Variants in CNTNAP4 observed in about 807,000 individuals in gnomAD.
CNTNAP4 encodes contactin-associated protein-like 4.
CNTNAP4 carries 98 observed loss-of-function variants against 148.4 expected under a neutral mutation model. The ratio of observed to expected loss-of-function variants is 0.66; its 90% confidence interval spans 0.56 to 0.78. The LOEUF (loss-of-function observed/expected upper bound fraction) is 0.78. CNTNAP4 is among the 30% of genes least tolerant of loss of function. CNTNAP4 has a pLI of 0.00. For synonymous variants in CNTNAP4, 730 were observed against 565.1 expected, an observed-to-expected ratio of 1.29 and a Z score of -4.14; for missense variants, 1,935 against 1,565.6, an observed-to-expected ratio of 1.24 and a Z score of -3.98.
At chr16:76,381,425 A>T (rs1229121598) in intron 3 of CNTNAP4, among the ~76,000 whole-genome samples, 5 of 152,162 alleles carry the variant, frequency 3.3e-5, no homozygotes, top group African/African-American at 1.2e-4. Flanking sequence ...TAATTCTGAT[A>T]CTGTGCTAGT....
chr16:76,304,719 G>A (rs1960304262), intron 1 of CNTNAP4, among the ~76,000 whole-genome samples: 1 of 152,146 alleles, frequency 6.6e-6, no homozygotes, highest in African/African-American at 2.4e-5. Flanking sequence ...CTTCAAAACT[G>A]CTTTTGACCA....
At chr16:76,330,448 G>A (rs1012970812) in intron 2 of CNTNAP4, among the ~76,000 whole-genome samples, 4 of 152,130 alleles carry the variant, frequency 2.6e-5, no homozygotes, top group African/African-American at 9.7e-5. Flanking sequence ...GCCTTGTTGT[G>A]TGCCTGCTTA....
chr16:76,341,923 A>C (rs1964501027), intron 2 of CNTNAP4, among the ~76,000 whole-genome samples: 1 of 152,200 alleles, frequency 6.6e-6, no homozygotes, highest in Non-Finnish European at 1.5e-5. Flanking sequence ...TGTCCTATCG[A>C]GTCACAGAAG....
At position 76,538,151 on chromosome 16, in the gene CNTNAP4, A is replaced by T. The variant is rs749138235; in HGVS notation, c.3031A>T (p.Ile1011Leu). ...SAYFGSGSSVIYNFQENYLLS... is the reference protein window; with the variant it reads ...SAYFGSGSSVLYNFQENYLLS... ...ATATTTTGGATCTGGCTCATCCGTG[A>T]TATACAATTTTCAAGAAAATTATCT... Residue 1011 changes from isoleucine (I) to leucine (L), a missense_variant, in exon 19 of 24, where the codon ATA becomes TTA. By Grantham distance (5) the Ile-to-Leu change is conservative. Coordinates refer to ENST00000611870, the MANE Select transcript of CNTNAP4 (RefSeq NM_033401.5). 6.3e-7 allele frequency: 1 copy of T among 1,584,898 alleles called. No individual in the cohort carries two copies. The highest frequency in any genetic ancestry group is 2.3e-5 in the East Asian group (1 of 43,930).
intron 21 of CNTNAP4, 103 bp from the exon 22 acceptor site, chr16:76,553,180 G>A (rs1185662473): frequency 6.6e-6 from 4 of 603,340 alleles, no homozygotes; most frequent in Non-Finnish European, 5.8e-6. Context: ...AAGGAATTTA[G>A]TAACTTTATT....
In CNTNAP4 at chr16:76,548,295, C is replaced by CATTTTTTTTTT. The variant is rs759580311; in HGVS notation, c.3443-4988_3443-4987insATTTTTTTTTT. On this transcript the variant is annotated intron_variant, in intron 21 of 23. Coordinates refer to ENST00000611870, the MANE Select transcript of CNTNAP4 (RefSeq NM_033401.5). ...CCCTGGCTCTCTTGATTCACTGCAC[C>CATTTTTTTTTT]TTTTTTTTTTTTTTTTTTTTTTTTG... 8.6e-5 allele frequency among the ~76,000 whole-genome samples: 8 copies of CATTTTTTTTTT among 92,932 alleles called. 1 individual carries two copies. The highest frequency in any genetic ancestry group is 8.1e-4 in the South Asian group (2 of 2,462). The allele number at this position is 92,932 out of a possible 152,430, so 61.0% of individuals were successfully genotyped here. A position where few individuals can be genotyped will look rare whatever the true frequency, so the allele number is the denominator to read the frequency against.
chr16:76,316,058 T>A, intron 1 of CNTNAP4: 1 of 348,412 alleles, frequency 2.9e-6, no homozygotes, highest in African/African-American at 2.1e-5. Context: ...ATTTTGTGAT[T>A]TTTCTTTTTA....
chr16:76,416,081 T>C (rs1337876575), intron 3 of CNTNAP4, among the ~76,000 whole-genome samples: 1 of 151,326 alleles, frequency 6.6e-6, no homozygotes, highest in Non-Finnish European at 1.5e-5. Flanking sequence ...CTTCTTCTGA[T>C]ATCCATGGGC....
chr16:76,421,680 C>T (rs1269250999), intron 3 of CNTNAP4, among the ~76,000 whole-genome samples: 1 of 130,224 alleles, frequency 7.7e-6, no homozygotes, highest in Non-Finnish European at 1.8e-5. Flanking sequence ...TATTTAGCAT[C>T]TGAATGTCAG....
chr16:76,439,226 A>C (rs1035581440), intron 4 of CNTNAP4, among the ~76,000 whole-genome samples: 1 of 152,182 alleles, frequency 6.6e-6, no homozygotes, highest in Non-Finnish European at 1.5e-5. Context: ...CTGATTATCC[A>C]TGATGTAAAT....
intron 1 of CNTNAP4, among the ~76,000 whole-genome samples, chr16:76,294,706 A>T (rs1272963988): frequency 6.6e-6 from 1 of 152,160 alleles, no homozygotes; most frequent in Non-Finnish European, 1.5e-5. Context: ...AATTTCTGCA[A>T]CTTCTTGGGG....
At chr16:76,404,712 A>G (rs2078542369) in intron 3 of CNTNAP4, among the ~76,000 whole-genome samples, 1 of 152,288 alleles carries the variant, frequency 6.6e-6, no homozygotes, top group South Asian at 2.1e-4. Flanking sequence ...TATAAAATTA[A>G]TAGACATAGT....
At chr16:76,525,608 G>A (rs980002284) in intron 17 of CNTNAP4, among the ~76,000 whole-genome samples, 20 of 140,268 alleles carry the variant, frequency 1.4e-4, no homozygotes, top group South Asian at 1.1e-3. Flanking sequence ...ACTATATATA[G>A]TTTTATAGTT....
chr16:76,365,906 A>C (rs1009143122), intron 3 of CNTNAP4, among the ~76,000 whole-genome samples: 6 of 152,090 alleles, frequency 3.9e-5, no homozygotes, highest in African/African-American at 1.4e-4. Context: ...AAGAAATACA[A>C]ACGCCATTTG....
At chr16:76,349,159 TTC>T (rs1377246050) in intron 2 of CNTNAP4, among the ~76,000 whole-genome samples, 1 of 152,076 alleles carries the variant, frequency 6.6e-6, no homozygotes, top group Non-Finnish European at 1.5e-5. Flanking sequence ...TCAACTCTCC[TTC>T]TCTCTCTTTT....
chr16:76,356,454 T>C (rs2012659557), intron 3 of CNTNAP4, among the ~76,000 whole-genome samples: 1 of 152,104 alleles, frequency 6.6e-6, no homozygotes, highest in Non-Finnish European at 1.5e-5. Flanking sequence ...AAGAGGCATT[T>C]TGTGATAAAG....
intron 1 of CNTNAP4, among the ~76,000 whole-genome samples, chr16:76,300,090 C>T (rs1270797869): frequency 6.6e-6 from 1 of 152,022 alleles, no homozygotes; most frequent in Non-Finnish European, 1.5e-5. Context: ...CGCATGTATA[C>T]ATATGTAACA....
At chr16:76,362,803 T>C (rs1374592653) in intron 3 of CNTNAP4, among the ~76,000 whole-genome samples, 1 of 152,206 alleles carries the variant, frequency 6.6e-6, no homozygotes, top group African/African-American at 2.4e-5. Flanking sequence ...TGAGGTACTA[T>C]GCTTATTACC....
intron 4 of CNTNAP4, among the ~76,000 whole-genome samples, chr16:76,437,736 G>T (rs1225420254): frequency 1.3e-5 from 2 of 152,034 alleles, no homozygotes; most frequent in African/African-American, 4.8e-5. Flanking sequence ...CCAGATAGAA[G>T]AGAGGAGTAT....
Sources: allele counts gnomAD v4.1 joint callset (sites outside exome capture counted in the v4.1 genomes callset), GRCh38; gene constraint gnomAD v4.1.1; transcripts MANE v1.5; gene names NCBI Gene and HGNC (gene_info 2026-07-23, HGNC 2026-07-21).